The following CAPG variants were observed in gnomAD, a reference collection of about 807,000 sequenced individuals.
CAPG encodes capping actin protein, gelsolin like, also known as macrophage-capping protein.
Under a neutral mutation model 44.6 loss-of-function variants are expected in CAPG, and 32 were observed. That is an observed-to-expected ratio of 0.72 (90% CI 0.54 to 0.96). The LOEUF (loss-of-function observed/expected upper bound fraction) is 0.96. CAPG is among the 50% of genes least tolerant of loss of function. The probability of loss-of-function intolerance (pLI) is 0.00; values close to 1 mark genes in which losing one functional copy is unlikely to be tolerated. For missense variants in CAPG, 412 were observed against 438.3 expected (o/e 0.94, Z 0.54); for synonymous variants, 175 against 179.6 (o/e 0.97, Z 0.20).
downstream of CAPG, among the ~76,000 whole-genome samples, chr2:85,392,085 G>A (rs1344987242): frequency 6.6e-6 from 1 of 152,190 alleles, no homozygotes; most frequent in African/African-American, 2.4e-5. Context: ...CAGCACTGTT[G>A]GTTCCTTCCC....
chr2:85,412,991 CAGCACCTG>C (rs1437954762), upstream of CAPG, among the ~76,000 whole-genome samples: 2 of 152,242 alleles, frequency 1.3e-5, no homozygotes, highest in Non-Finnish European at 2.9e-5. Flanking sequence ...AATGTGCCAT[CAGCACCTG>C]AGGTAGAAAT....
intron 1 of CAPG, among the ~76,000 whole-genome samples, chr2:85,403,164 G>A (rs1222961536): frequency 6.6e-6 from 1 of 152,152 alleles, no homozygotes; most frequent in Non-Finnish European, 1.5e-5. Context: ...AATGAGAGAT[G>A]TGAGATCACC....
At chr2:85,417,736 A>G (rs1378342071) in intron 1 of CAPG, among the ~76,000 whole-genome samples, 1 of 151,930 alleles carries the variant, frequency 6.6e-6, no homozygotes, top group Non-Finnish European at 1.5e-5. Flanking sequence ...TGCTTGCCTC[A>G]GCCTCCCAAA....
Position 85,398,172 on chromosome 2 carries a change from C to A in CAPG, c.760-20G>T. 6.2e-7 allele frequency: 1 copy of A among 1,609,728 alleles called. No homozygotes were observed. Among genetic ancestry groups the A allele is most frequent in the Non-Finnish European group, 8.5e-7 (1 of 1,178,252 alleles). ...AGAGACCTGGGGAGGAGGGACAGTGCCTGATCTCACCCCCCACACACCAGC... is the reference window on the plus strand; with the variant it reads ...AGAGACCTGGGGAGGAGGGACAGTGACTGATCTCACCCCCCACACACCAGC... On this transcript the variant is annotated intron_variant, in intron 7 of 9. Coordinates refer to ENST00000263867, the MANE Select transcript of CAPG (RefSeq NM_001747.4).
At chr2:85,401,350 C>T (rs1301716314) in intron 4 of CAPG, 21 bp from the exon 5 acceptor site, 1 of 1,610,546 alleles carries the variant, frequency 6.2e-7, no homozygotes, top group Non-Finnish European at 8.5e-7. Context: ...GACGGCCCAT[C>T]TGAGTGGACT....
At chr2:85,405,735 C>G (rs57755340) in intron 1 of CAPG, among the ~76,000 whole-genome samples, 36,097 of 151,996 alleles carry the variant, frequency 0.24, 4,611 homozygotes, top group African/African-American at 0.3. Flanking sequence ...CGGAAGAGGA[C>G]ATGCAGAGAG....
At chr2:85,415,781 C>G (rs895751219) in intron 1 of CAPG, among the ~76,000 whole-genome samples, 1 of 152,158 alleles carries the variant, frequency 6.6e-6, no homozygotes, top group African/African-American at 2.4e-5. Flanking sequence ...ATCTGTGAAA[C>G]GAGAACAGAA....
At chr2:85,407,712 CAAAAA>C (rs60228110) in intron 1 of CAPG, among the ~76,000 whole-genome samples, 5 of 91,148 alleles carry the variant, frequency 5.5e-5, no homozygotes, top group Non-Finnish European at 8.4e-5. Flanking sequence ...GACTCTGTCT[CAAAAA>C]AAAAAAAAAA....
chr2:85,401,045 T>C lies in CAPG; in HGVS notation c.516+120A>G, dbSNP rs1206975615. 10 of 893,154 alleles carry C rather than the reference T, an allele frequency of 1.1e-5. No individual in the cohort carries two copies. The African/African-American group carries it at 1.7e-4, about 15-fold the overall frequency. 55.3% of individuals were successfully genotyped at this position (893,154 alleles called of 1,614,324 possible). On this transcript the variant is annotated intron_variant, in intron 5 of 9. Coordinates refer to ENST00000263867, the MANE Select transcript of CAPG (RefSeq NM_001747.4). ...GGACATTCTCCAATGGTCAGAGTGA[T>C]CTCACTTGGAATGGGTTTACGGCTT...
At chr2:85,400,068 T>C in intron 5 of CAPG, among the ~76,000 whole-genome samples, 1 of 152,066 alleles carries the variant, frequency 6.6e-6, no homozygotes, top group Non-Finnish European at 1.5e-5. Context: ...CCATCACATA[T>C]CTCCTATGTT....
chr2:85,419,387 G>A (rs1295901281), upstream of CAPG: 1 of 152,266 alleles, frequency 6.6e-6, no homozygotes, highest in Admixed American at 6.5e-5. Flanking sequence ...AGCTTCTGAG[G>A]CGCTACAGAA....
chr2:85,404,025 T>G (rs1214421388), intron 1 of CAPG, among the ~76,000 whole-genome samples: 1 of 152,036 alleles, frequency 6.6e-6, no homozygotes, highest in Non-Finnish European at 1.5e-5. Flanking sequence ...ATCAGGGTGA[T>G]GATAGCTAAT....
Position 85,401,595 on chromosome 2 carries a change from G to A in CAPG, c.285C>T (p.His95=), listed in dbSNP as rs527327511. The A allele has an allele frequency of 1.9e-6, 3 of 1,614,180 alleles. No homozygotes were observed. Among genetic ancestry groups the A allele is most frequent in the African/African-American group, 1.3e-5 (1 of 75,056 alleles). Reference sequence around the variant, plus strand: ...CAGACTCATTGCCCTGCACCTCGCGGTGCTGCACAGGCCGCTCTCCCAGCA... The same window carrying A: ...CAGACTCATTGCCCTGCACCTCGCGATGCTGCACAGGCCGCTCTCCCAGCA... ...NTLLGERPVQ[H]REVQGNESDL... Residue 95 remains histidine (H), a synonymous_variant, in exon 4 of 10, where the codon CAC becomes CAT. Coordinates refer to ENST00000263867, the MANE Select transcript of CAPG (RefSeq NM_001747.4).
At chr2:85,399,351 A>G (rs950697873) in intron 5 of CAPG, 66 bp from the exon 6 acceptor site, 212 of 1,533,686 alleles carry the variant, frequency 1.4e-4, no homozygotes, top group Non-Finnish European at 1.8e-4. Flanking sequence ...AGCTCAGAGA[A>G]GGGCGCACAG....
At chr2:85,402,246 A>G (rs1573182028) in intron 1 of CAPG, 88 bp from the exon 2 acceptor site, 2 of 1,007,320 alleles carry the variant, frequency 2.0e-6, no homozygotes, top group African/African-American at 3.2e-5. Flanking sequence ...CCAGTGGCCA[A>G]GTACTTTCAT....
rs1359694186 is a variant in CAPG, at chr2:85,395,274, C to T, written c.981+264G>A. Reference sequence around the variant, plus strand: ...TGTGCTGCGGCAGGAGGGGTGGCACCAGCCAGGGACAACGGCCCAGAGGAG... The same window carrying T: ...TGTGCTGCGGCAGGAGGGGTGGCACTAGCCAGGGACAACGGCCCAGAGGAG... On this transcript the variant is annotated intron_variant, in intron 9 of 9. Coordinates refer to ENST00000263867, the MANE Select transcript of CAPG (RefSeq NM_001747.4). This position sits in a 1 kb window ranked among gnomAD's most constrained non-coding sequence, Gnocchi z 4.3. 6.6e-6 allele frequency among the ~76,000 whole-genome samples: 1 copy of T among 152,214 alleles called. No individual in the cohort carries two copies. The highest frequency in any genetic ancestry group is 2.4e-5 in the African/African-American group (1 of 41,456).
rs191355399 is a variant in CAPG at position 85,402,810 on chromosome 2, A to G, written c.-13-652T>C. 1.6e-3 allele frequency among the ~76,000 whole-genome samples: 218 copies of G among 140,080 alleles called. 5 individuals are homozygous for G. The East Asian group carries it at 0.04, about 26-fold the overall frequency. 91.9% of individuals were successfully genotyped at this position (140,080 alleles called of 152,430 possible). ...TTTGGAGACAGAGTCTCACTCTGTC[A>G]CTCAGGCTGGAGTGCAGTGGCGTGA... On this transcript the variant is annotated intron_variant, in intron 1 of 9. Coordinates refer to ENST00000263867, the MANE Select transcript of CAPG (RefSeq NM_001747.4).
At chr2:85,402,059 G>A in intron 2 of CAPG, 64 bp downstream of exon 2, 2 of 1,608,878 alleles carry the variant, frequency 1.2e-6, no homozygotes. Flanking sequence ...AGAGCAGTGG[G>A]GAGGGGCAGC....
At position 85,401,833 on chromosome 2, in the gene CAPG, C is replaced by G. The variant is rs772840062; in HGVS notation, c.148G>C (p.Val50Leu). 1.2e-6 allele frequency: 2 copies of G among 1,614,166 alleles called. No homozygotes were observed. Among genetic ancestry groups the G allele is most frequent in the Non-Finnish European group, 1.7e-6 (2 of 1,180,006 alleles). The change falls in exon 3 of 10, where the codon GTG becomes CTG. Residue 50 changes from valine (V) to leucine (L), a missense_variant. Physicochemically the swap from Val to Leu is conservative, Grantham distance 32. Coordinates refer to ENST00000263867, the MANE Select transcript of CAPG (RefSeq NM_001747.4). ...ACCTCTTCTGGGCCATTGTGCAGCACTAGGTAGGAGTCCCCCGAGAAGAAG... is the reference window on the plus strand; with the variant it reads ...ACCTCTTCTGGGCCATTGTGCAGCAGTAGGTAGGAGTCCCCCGAGAAGAAG... ...GVFFSGDSYL[V>L]LHNGPEEVSH... is the part of the protein sequence containing the mutation.
Sources: gnomAD v4.1 joint callset for allele counts (sites outside exome capture counted in the v4.1 genomes callset) on GRCh38, gnomAD v4.1.1 for gene constraint, Gnocchi (gnomAD v3.1) non-coding constraint, MANE v1.5 for transcripts, NCBI Gene and HGNC (gene_info 2026-07-23, HGNC 2026-07-21) for gene names.